Variants in TBC1D4 observed in about 807,000 individuals in gnomAD.
The protein encoded by TBC1D4 is TBC1 domain family member 4, also known as TBC (Tre-2, BUB2, CDC16) domain-containing protein.
In TBC1D4, 121 loss-of-function variants were observed where a neutral mutation model predicts 142.5. That is an observed-to-expected ratio of 0.85 (90% CI 0.73 to 0.99). The LOEUF (loss-of-function observed/expected upper bound fraction) is 0.99, where lower values mean the gene tolerates loss of function less well. TBC1D4 is among the 50% of genes least tolerant of loss of function. The pLI, the probability that TBC1D4 is intolerant of heterozygous loss-of-function variation, is 0.00. For synonymous variants in TBC1D4, 630 were observed against 628.2 expected (o/e 1.00, Z -0.04); for missense variants, 1,475 against 1,606.6 (o/e 0.92, Z 1.40).
intron 1 of TBC1D4, among the ~76,000 whole-genome samples, chr13:75,422,405 T>C (rs770246967): frequency 9.2e-5 from 14 of 152,190 alleles, no homozygotes; most frequent in Admixed American, 3.9e-4. Context: ...TTTATCTCCA[T>C]CATAAAATCC....
At chr13:75,352,702 C>T (rs1166971346) in intron 4 of TBC1D4, among the ~76,000 whole-genome samples, 1 of 152,128 alleles carries the variant, frequency 6.6e-6, no homozygotes. Context: ...AAATTTCCAG[C>T]AAAGCCCTCC....
intron 19 of TBC1D4, among the ~76,000 whole-genome samples, chr13:75,289,677 T>C (rs1444276323): frequency 6.6e-6 from 1 of 152,158 alleles, no homozygotes; most frequent in African/African-American, 2.4e-5. Context: ...GTCATTTACA[T>C]ATTGTACCAC....
At chr13:75,399,371 A>G (rs4427680) in intron 1 of TBC1D4, among the ~76,000 whole-genome samples, 151,567 of 152,326 alleles carry the variant, frequency 1, 75,411 homozygotes, top group Middle Eastern at 1. Flanking sequence ...CCTGTTCTAC[A>G]GTACTGTAAC....
At chr13:75,382,263 TC>T in intron 1 of TBC1D4, among the ~76,000 whole-genome samples, 1 of 152,346 alleles carries the variant, frequency 6.6e-6, no homozygotes, top group East Asian at 1.9e-4. Context: ...CCTGTGAGTG[TC>T]CAATGTCTAT....
At chr13:75,343,686 T>C (rs896250803) in intron 5 of TBC1D4, among the ~76,000 whole-genome samples, 3 of 152,102 alleles carry the variant, frequency 2.0e-5, no homozygotes, top group Non-Finnish European at 4.4e-5. Context: ...CCAGCTACTT[T>C]TGTATTTTTA....
At chr13:75,364,381 A>G (rs1194747132) in intron 1 of TBC1D4, among the ~76,000 whole-genome samples, 1 of 152,244 alleles carries the variant, frequency 6.6e-6, no homozygotes, top group African/African-American at 2.4e-5. Flanking sequence ...TATTTGGGAT[A>G]TACTGCTAGA....
At chr13:75,317,904 A>T (rs1003406195) in intron 12 of TBC1D4, among the ~76,000 whole-genome samples, 3 of 152,218 alleles carry the variant, frequency 2.0e-5, no homozygotes, top group African/African-American at 7.2e-5. Flanking sequence ...CCCCCAATAT[A>T]GGGTAGGAAG....
At chr13:75,364,289 T>A (rs1349484159) in intron 1 of TBC1D4, among the ~76,000 whole-genome samples, 2 of 152,206 alleles carry the variant, frequency 1.3e-5, no homozygotes, top group Non-Finnish European at 2.9e-5. Flanking sequence ...GTTAACAGTT[T>A]ATTGCCACAT....
intron 1 of TBC1D4, among the ~76,000 whole-genome samples, chr13:75,385,668 T>C (rs1256394769): frequency 1.3e-5 from 2 of 152,244 alleles, no homozygotes; most frequent in Non-Finnish European, 2.9e-5. Flanking sequence ...TAGCTATCAC[T>C]AACGGAGCAC....
In TBC1D4 at chr13:75,288,967, T is replaced by C. The variant is rs1212245122; in HGVS notation, c.3630A>G (p.Lys1210=). Residue 1210 remains lysine (K), a synonymous_variant, in exon 20 of 21, where the codon AAA becomes AAG. Transcript: ENST00000377636. ...EKLERANSQL[K]RQNMDLLEKL... is the part of the protein sequence containing the mutation. ...TTTCTAGGAGGTCCATGTTTTGTCT[T>C]TTCAGTTGGCTATTGGCCCTCTCCA... The C allele has an allele frequency of 1.2e-6, 2 of 1,613,874 alleles. No individual in the cohort carries two copies. Among genetic ancestry groups the C allele is most frequent in the Non-Finnish European group, 1.7e-6 (2 of 1,179,862 alleles).
At chr13:75,459,991 A>G (rs1018822571) in intron 1 of TBC1D4, among the ~76,000 whole-genome samples, 4 of 151,962 alleles carry the variant, frequency 2.6e-5, no homozygotes, top group Non-Finnish European at 5.9e-5. Context: ...AAATACAAAA[A>G]AATTAGCTGG....
At chr13:75,403,127 C>T (rs1885179261) in intron 1 of TBC1D4, among the ~76,000 whole-genome samples, 1 of 152,154 alleles carries the variant, frequency 6.6e-6, no homozygotes, top group Non-Finnish European at 1.5e-5. Context: ...GACTGAACTG[C>T]CTTTCACCCA....
intron 1 of TBC1D4, among the ~76,000 whole-genome samples, chr13:75,410,823 C>A (rs1192584609): frequency 1.3e-5 from 2 of 149,620 alleles, no homozygotes; most frequent in African/African-American, 4.9e-5. Flanking sequence ...GTAGTCCCAG[C>A]TACTCGGGAG....
intron 1 of TBC1D4, among the ~76,000 whole-genome samples, chr13:75,440,654 A>G (rs1437300806): frequency 1.3e-5 from 2 of 151,832 alleles, no homozygotes; most frequent in Non-Finnish European, 2.9e-5. Flanking sequence ...CCTAGGCTCA[A>G]GGGATCCCCC....
intron 1 of TBC1D4, among the ~76,000 whole-genome samples, chr13:75,375,081 C>T (rs1883426071): frequency 3.3e-5 from 5 of 152,196 alleles, no homozygotes; most frequent in Admixed American, 2.6e-4. Context: ...ATTTTTCCAA[C>T]AACAGAAGAC....
chr13:75,481,745 T>G lies in TBC1D4; in HGVS notation c.23A>C (p.Gln8Pro). ...CAGGGGGTGCGGGAACGGCTCATCC[T>G]GAATGCAGCTGGGCGGCTCCATAAC... Reference protein sequence around the residue: MEPPSCIQDEPFPHPLEP... With the variant: MEPPSCIPDEPFPHPLEP... The change falls in exon 1 of 21, where the codon CAG becomes CCG. Residue 8 changes from glutamine (Q) to proline (P), a missense_variant. This residue lies in a region of TBC1D4 where 1,227 missense variants were observed against 1,267.7 expected (regional missense o/e 0.97). Transcript: ENST00000377636. The G allele has an allele frequency of 6.3e-7, 1 of 1,590,054 alleles. No homozygotes were observed. Among genetic ancestry groups the G allele is most frequent in the South Asian group, 1.1e-5 (1 of 88,036 alleles).
chr13:75,481,376 T>C lies in TBC1D4; in HGVS notation c.392A>G (p.His131Arg), dbSNP rs375912778. The change falls in exon 1 of 21, where the codon CAC (histidine) becomes CGC (arginine). Residue 131 changes from histidine (H) to arginine (R), a missense_variant. Around this residue, in one of 2 missense-constraint regions of TBC1D4, gnomAD observed 1,227 missense variants for 1,267.7 expected, o/e 0.97. Transcript: ENST00000377636. ...HKAQHISRFI[H>R]NSHDLTYFAY... Reference sequence around the variant, plus strand: ...AAAGTAGGTGAGGTCGTGGCTGTTGTGGATGAAGCGCGAGATATGCTGCGC... The same window carrying C: ...AAAGTAGGTGAGGTCGTGGCTGTTGCGGATGAAGCGCGAGATATGCTGCGC... 2.9e-5 allele frequency: 46 copies of C among 1,613,780 alleles called. No homozygotes were observed. Among genetic ancestry groups the C allele is most frequent in the Non-Finnish European group, 8.5e-6 (10 of 1,179,838 alleles).
intron 2 of TBC1D4, among the ~76,000 whole-genome samples, chr13:75,360,866 G>GA (rs1421569893): frequency 1.1e-4 from 16 of 151,990 alleles, no homozygotes; most frequent in African/African-American, 3.1e-4. Context: ...TATCATTTGT[G>GA]AAAAAAAGCC....
At chr13:75,391,077 C>T (rs1336707108) in intron 1 of TBC1D4, among the ~76,000 whole-genome samples, 2 of 136,210 alleles carry the variant, frequency 1.5e-5, no homozygotes, top group African/African-American at 5.6e-5. Flanking sequence ...CACACACAAA[C>T]AACTTGTATA....
Sources: gnomAD v4.1 joint callset for allele counts (sites outside exome capture counted in the v4.1 genomes callset) on GRCh38, gnomAD v4.1.1 for gene constraint, gnomAD v4.1.1 regional missense constraint, MANE v1.5 for transcripts, NCBI Gene and HGNC (gene_info 2026-07-23, HGNC 2026-07-21) for gene names.